The following RPS6KA5 variants were observed in gnomAD, a reference collection of about 807,000 sequenced individuals.
RPS6KA5 encodes the protein ribosomal protein S6 kinase alpha-5.
A neutral mutation model predicts 85.5 loss-of-function variants in RPS6KA5; 27 were observed. The observed-to-expected ratio is 0.32, with a 90% CI of 0.23 to 0.44. The LOEUF is 0.44. RPS6KA5 is among the 20% of genes least tolerant of loss of function. The pLI is 1.00. For synonymous variants in RPS6KA5, 334 were observed against 348.2 expected (o/e 0.96, Z 0.46); for missense variants, 811 against 980.9 (o/e 0.83, Z 2.31).
chr14:90,966,586 A>G (rs1489461652), intron 3 of RPS6KA5, among the ~76,000 whole-genome samples: 1 of 152,198 alleles, frequency 6.6e-6, no homozygotes, highest in African/African-American at 2.4e-5. Context: ...TTATTTACAT[A>G]TTGTACATTT....
intron 15 of RPS6KA5, 120 bp downstream of exon 15, chr14:90,875,081 G>A (rs368835925): frequency 1.1e-6 from 1 of 943,284 alleles, no homozygotes. Context: ...TAGCCTGGAA[G>A]CCTTTTAGAA....
At chr14:90,902,346 G>A (rs2140234428) in intron 9 of RPS6KA5, among the ~76,000 whole-genome samples, 1 of 152,228 alleles carries the variant, frequency 6.6e-6, no homozygotes, top group African/African-American at 2.4e-5. Context: ...TTAGCTGGGT[G>A]TGCTGGTTTG....
chr14:90,959,966 C>T (rs1385928116), intron 3 of RPS6KA5, among the ~76,000 whole-genome samples: 1 of 152,170 alleles, frequency 6.6e-6, no homozygotes, highest in Non-Finnish European at 1.5e-5. Context: ...AGAACAGGTG[C>T]CATAGCTCTG....
chr14:91,042,296 G>T (rs562678534), intron 1 of RPS6KA5, among the ~76,000 whole-genome samples: 23 of 152,026 alleles, frequency 1.5e-4, no homozygotes, highest in Non-Finnish European at 3.2e-4. Flanking sequence ...GGATCACGAG[G>T]TCAGGAGTTC....
chr14:91,023,275 T>C (rs757470286), intron 1 of RPS6KA5, among the ~76,000 whole-genome samples: 46 of 151,884 alleles, frequency 3.0e-4, no homozygotes, highest in Non-Finnish European at 6.0e-4. Context: ...CTCTGAGCTC[T>C]TGAGTGCTCA....
At chr14:90,963,434 T>A (rs1022657177) in intron 3 of RPS6KA5, among the ~76,000 whole-genome samples, 1 of 152,188 alleles carries the variant, frequency 6.6e-6, no homozygotes, top group Non-Finnish European at 1.5e-5. Context: ...ATTGAGACTA[T>A]GTAAAAATCT....
rs139823954 is a variant in RPS6KA5 at position 90,878,046 on chromosome 14, G to A, written c.1837-2686C>T. On this transcript the variant is annotated intron_variant, in intron 14 of 16. Coordinates refer to ENST00000614987, the MANE Select transcript of RPS6KA5 (RefSeq NM_004755.4). ...TATTCTCCACTACTGTATCCACAGAGCTATCTACACAGCCACTGAACTGGT... is the reference window on the plus strand; with the variant it reads ...TATTCTCCACTACTGTATCCACAGAACTATCTACACAGCCACTGAACTGGT... Among the ~76,000 whole-genome samples, 322 of 152,230 alleles carry A rather than the reference G, an allele frequency of 2.1e-3. 1 individual carries two copies. The highest frequency in any genetic ancestry group is 7.4e-3 in the African/African-American group (308 of 41,534).
chr14:90,882,845 T>C (rs1332672067), intron 14 of RPS6KA5, among the ~76,000 whole-genome samples: 4 of 152,032 alleles, frequency 2.6e-5, no homozygotes, highest in South Asian at 4.2e-4. Context: ...TCTCACTCTG[T>C]CACCCACTCT....
chr14:91,033,081 G>A (rs1425621073), intron 1 of RPS6KA5, among the ~76,000 whole-genome samples: 1 of 151,946 alleles, frequency 6.6e-6, no homozygotes, highest in East Asian at 1.9e-4. Flanking sequence ...CAGCTACTCG[G>A]GAGGCTGAGG....
At chr14:91,034,360 C>G (rs1231904892) in intron 1 of RPS6KA5, among the ~76,000 whole-genome samples, 1 of 151,622 alleles carries the variant, frequency 6.6e-6, no homozygotes, top group African/African-American at 2.4e-5. Flanking sequence ...TTATTCATAG[C>G]TGTCTGAGGT....
intron 3 of RPS6KA5, among the ~76,000 whole-genome samples, chr14:90,954,072 G>A (rs1011785810): frequency 1.4e-4 from 22 of 152,254 alleles, no homozygotes; most frequent in Non-Finnish European, 3.1e-4. Context: ...GGGCATCACG[G>A]TCCTACCGAT....
chr14:90,925,941 C>CAAA (rs71117389), intron 5 of RPS6KA5, among the ~76,000 whole-genome samples: 352 of 72,440 alleles, frequency 4.9e-3, no homozygotes, highest in Middle Eastern at 9.4e-3. Context: ...GACCCTGACT[C>CAAA]AAAAAAAAAA....
intron 1 of RPS6KA5, among the ~76,000 whole-genome samples, chr14:91,027,265 T>A (rs2042021055): frequency 6.6e-6 from 1 of 152,218 alleles, no homozygotes; most frequent in African/African-American, 2.4e-5. Context: ...CTTTAATCCA[T>A]CTTGAGTTAA....
At chr14:90,985,248 T>A (rs1459931738) in intron 2 of RPS6KA5, among the ~76,000 whole-genome samples, 2 of 152,228 alleles carry the variant, frequency 1.3e-5, no homozygotes, top group Non-Finnish European at 2.9e-5. Flanking sequence ...CGGCCGCCTT[T>A]AATTTTTACA....
chr14:91,018,054 C>T (rs1229774346), intron 1 of RPS6KA5, among the ~76,000 whole-genome samples: 2 of 152,154 alleles, frequency 1.3e-5, no homozygotes, highest in African/African-American at 4.8e-5. Context: ...ACTACAACAA[C>T]GCAATTCAGG....
At position 90,853,948 on chromosome 14, in the gene RPS6KA5, G is replaced by A. The variant is rs1448715745; in HGVS notation, c.*18126C>T. 2.0e-5 allele frequency: 3 copies of A among 152,130 alleles called. No individual in the cohort carries two copies. Among genetic ancestry groups the A allele is most frequent in the Admixed American group, 6.5e-5 (1 of 15,282 alleles). 9.4% of individuals were successfully genotyped at this position (152,130 alleles called of 1,614,324 possible). On this transcript the variant is annotated 3_prime_UTR_variant, in exon 17 of 17. Transcript: ENST00000614987. ...CTCTGTATATACCAGTACAGGTGGG[G>A]GATTACTGGCAGGGCAGATAGTCGA...
rs2032694246 is a variant in RPS6KA5 at position 90,863,993 on chromosome 14, A to G, written c.*8081T>C. ...CTACCAGATATGAAGACTTCATAAA[A>G]ATTACAACTCAGCTTTTCAATACAT... On this transcript the variant is annotated 3_prime_UTR_variant, in exon 17 of 17. Coordinates refer to ENST00000614987, the MANE Select transcript of RPS6KA5 (RefSeq NM_004755.4). 1 of 152,254 alleles carries G rather than the reference A, an allele frequency of 6.6e-6. No individual in the cohort carries two copies. The highest frequency in any genetic ancestry group is 2.1e-4 in the South Asian group (1 of 4,836). The allele number at this position is 152,254 out of a possible 1,614,324, so 9.4% of individuals were successfully genotyped here. A position where few individuals can be genotyped will look rare whatever the true frequency, so the allele number is the denominator to read the frequency against.
At position 91,060,375 on chromosome 14, in the gene RPS6KA5, G is replaced by A. The variant is rs367668503; in HGVS notation, c.60C>T (p.Asp20=). The change falls in exon 1 of 17, where the codon GAC becomes GAT. Residue 20 remains aspartate, a synonymous_variant. Coordinates refer to ENST00000614987, the MANE Select transcript of RPS6KA5 (RefSeq NM_004755.4). ...TGACAGTGAGGAGCTGCTCTCCTCC[G>A]TCGCCGCCGTCCGCGCTGGTCCCCG... is the stretch of plus-strand genomic sequence containing the variant. ...GAAGTSADGG[D]GGEQLLTVKH... is the part of the protein sequence containing the mutation. The A allele has an allele frequency of 6.6e-6, 10 of 1,505,334 alleles. No individual in the cohort carries two copies. The African/African-American group carries it at 1.4e-4, about 21-fold the overall frequency. The allele number at this position is 1,505,334 out of a possible 1,614,324, so 93.2% of individuals were successfully genotyped here.
intron 1 of RPS6KA5, among the ~76,000 whole-genome samples, chr14:91,016,281 G>A (rs550320215): frequency 3.2e-4 from 48 of 151,686 alleles, no homozygotes; most frequent in African/African-American, 1.1e-3. Context: ...TTACTACATT[G>A]CCCACGCTGG....
Sources: allele counts gnomAD v4.1 joint callset (sites outside exome capture counted in the v4.1 genomes callset), GRCh38; gene constraint gnomAD v4.1.1; transcripts MANE v1.5; gene names NCBI Gene and HGNC (gene_info 2026-07-23, HGNC 2026-07-21).